FN1: variants seen among roughly 807,000 people sequenced by gnomAD.
The protein encoded by FN1 is fibronectin 1.
Under a neutral mutation model 297.3 loss-of-function variants are expected in FN1, and 106 were observed. The ratio of observed to expected loss-of-function variants is 0.36; its 90% CI spans 0.30 to 0.42. The LOEUF (loss-of-function observed/expected upper bound fraction) is 0.42, where lower values mean the gene tolerates loss of function less well. Ranked by LOEUF, FN1 falls within the 10% of genes least tolerant of loss-of-function variation. The pLI is 1.00. For synonymous variants in FN1, 1,149 were observed against 1,152.6 expected (o/e 1.00, Z 0.06); for missense variants, 2,690 against 3,124.9 (o/e 0.86, Z 3.32).
At chr2:215,425,667 C>A (rs1307015126) in intron 6 of FN1, among the ~76,000 whole-genome samples, 3 of 152,092 alleles carry the variant, frequency 2.0e-5, no homozygotes, top group Admixed American at 1.3e-4. Context: ...ATTCTCCTGC[C>A]TCAACCTCCC....
chr2:215,388,347 T>C (rs778957933), intron 26 of FN1, 46 bp from the exon 27 acceptor site: 4 of 1,391,918 alleles, frequency 2.9e-6, no homozygotes, highest in Non-Finnish European at 4.1e-6. Flanking sequence ...CTCAAAAGCA[T>C]GAGAAACTAA....
intron 26 of FN1, among the ~76,000 whole-genome samples, chr2:215,390,178 GTTTA>G (rs111825137): frequency 6.0e-5 from 9 of 150,942 alleles, no homozygotes; most frequent in African/African-American, 1.5e-4. Context: ...ACGGCTTCAT[GTTTA>G]TTTGTTTGTT....
chr2:215,409,411 T>C, intron 15 of FN1, 152 bp downstream of exon 15: 2 of 768,864 alleles, frequency 2.6e-6, no homozygotes, highest in Non-Finnish European at 4.6e-6. Flanking sequence ...AGTCAGTCCT[T>C]CCCTTCCTCA....
chr2:215,428,161 T>C lies in FN1; in HGVS notation c.844+19A>G. 1 of 1,613,620 alleles carries C rather than the reference T, an allele frequency of 6.2e-7. No individual in the cohort carries two copies. On this transcript the variant is annotated intron_variant, in intron 6 of 45. Coordinates refer to ENST00000354785, the MANE Select transcript of FN1 (RefSeq NM_212482.4). ...GACCTGCTTCCCCATTTCCCGCCCC[T>C]GCTCGTCCTGTGCCTCACCGCTCGA...
At chr2:215,394,466 A>G in intron 24 of FN1, 62 bp downstream of exon 24, 2 of 1,337,874 alleles carry the variant, frequency 1.5e-6, no homozygotes, top group East Asian at 2.3e-5. Flanking sequence ...GGGGATTAAG[A>G]TGCTAATCCC....
chr2:215,378,893 A>G (rs143281179), intron 34 of FN1, among the ~76,000 whole-genome samples: 3 of 152,350 alleles, frequency 2.0e-5, no homozygotes, highest in African/African-American at 7.2e-5. Flanking sequence ...AATAAGCACA[A>G]TACATCTAAA....
At chr2:215,404,327 T>TTTTTA in intron 20 of FN1, 62 bp downstream of exon 20, 1 of 1,463,506 alleles carries the variant, frequency 6.8e-7, no homozygotes, top group South Asian at 1.2e-5. Context: ...TGTTTTGTTT[T>TTTTTA]AAAGCATGAA....
intron 9 of FN1, 82 bp from the exon 10 acceptor site, chr2:215,422,325 T>C (rs1452113212): frequency 7.3e-7 from 1 of 1,361,220 alleles, no homozygotes; most frequent in East Asian, 2.3e-5. Flanking sequence ...ATCAGTTCAG[T>C]TTGGTCATCC....
rs1171550334 is a variant in FN1 at position 215,361,289 on chromosome 2, A to C, written c.*266T>G. 2 of 416,028 alleles carry C rather than the reference A, an allele frequency of 4.8e-6. No individual in the cohort carries two copies. The highest frequency in any genetic ancestry group is 2.0e-5 in the African/African-American group (1 of 50,112). 25.8% of individuals were successfully genotyped at this position (416,028 alleles called of 1,614,324 possible). ...CTATTGATCCCAAACCAAATCTTAG[A>C]ATCACTTCATTTAAAATACTGAGCG... is the stretch of plus-strand genomic sequence containing the variant. On this transcript the variant is annotated 3_prime_UTR_variant, in exon 46 of 46. Transcript: ENST00000354785.
intron 38 of FN1, among the ~76,000 whole-genome samples, chr2:215,374,696 ATAC>A (rs1321039139): frequency 6.6e-6 from 1 of 152,222 alleles, no homozygotes; most frequent in Non-Finnish European, 1.5e-5. Context: ...GGCAAAAATA[ATAC>A]TAGAGGCTTA....
At chr2:215,389,019 G>A (rs1305347481) in intron 26 of FN1, among the ~76,000 whole-genome samples, 1 of 149,840 alleles carries the variant, frequency 6.7e-6, no homozygotes, top group Non-Finnish European at 1.5e-5. Context: ...GAAAGCAATC[G>A]GTTCTGCCAT....
intron 40 of FN1, 170 bp downstream of exon 40, chr2:215,371,739 C>G: frequency 3.3e-6 from 2 of 601,384 alleles, no homozygotes; most frequent in South Asian, 3.4e-5. Flanking sequence ...TCTTGAACTC[C>G]TAACCTCAAA....
At chr2:215,384,623 T>C in intron 29 of FN1, 2 of 459,082 alleles carry the variant, frequency 4.4e-6, no homozygotes, top group Non-Finnish European at 3.9e-6. Flanking sequence ...TTTACAATCC[T>C]TTTATTTCCT....
At chr2:215,374,557 C>T (rs1225364527) in intron 38 of FN1, among the ~76,000 whole-genome samples, 1 of 152,232 alleles carries the variant, frequency 6.6e-6, no homozygotes, top group Non-Finnish European at 1.5e-5. Flanking sequence ...GACATGCCTG[C>T]TTTTCCTTCC....
Position 215,360,874 on chromosome 2 carries a change from A to C in FN1, c.*681T>G, listed in dbSNP as rs1575137501. On this transcript the variant is annotated 3_prime_UTR_variant, in exon 46 of 46. Coordinates refer to ENST00000354785, the MANE Select transcript of FN1 (RefSeq NM_212482.4). Reference sequence around the variant, plus strand: ...GATGAACTTCAAGTTGTGGAATGTAAATCTTTTATTAAAACAGTTGTCTTT... The same window carrying C: ...GATGAACTTCAAGTTGTGGAATGTACATCTTTTATTAAAACAGTTGTCTTT... The C allele has an allele frequency of 6.6e-6, 1 of 152,668 alleles. No homozygotes were observed. Among genetic ancestry groups the C allele is most frequent in the Admixed American group, 6.5e-5 (1 of 15,276 alleles). 9.5% of individuals were successfully genotyped at this position (152,668 alleles called of 1,614,324 possible). A position where few individuals can be genotyped will look rare whatever the true frequency, so the allele number is the denominator to read the frequency against.
chr2:215,381,628 C>T (rs964883670), intron 32 of FN1: 25 of 200,506 alleles, frequency 1.2e-4, no homozygotes, highest in Non-Finnish European at 1.7e-4. Flanking sequence ...CACGTGCCAC[C>T]GCGACTGGCT....
intron 20 of FN1, among the ~76,000 whole-genome samples, chr2:215,400,321 T>G (rs985734123): frequency 6.6e-6 from 1 of 152,160 alleles, no homozygotes; most frequent in Non-Finnish European, 1.5e-5. Flanking sequence ...AGTCTAAAGA[T>G]TTGTACTTTA....
chr2:215,392,502 G>C (rs1407706578), intron 25 of FN1: 1 of 218,026 alleles, frequency 4.6e-6, no homozygotes, highest in Non-Finnish European at 9.3e-6. Context: ...TAGCTACAAA[G>C]AAGGAGCATG....
In FN1 at chr2:215,361,623, C is replaced by T. The variant is rs2106084754; in HGVS notation, c.7366G>A (p.Val2456Ile). The change falls in exon 46 of 46, where the codon GTT becomes ATT. Residue 2456 changes from valine (V) to isoleucine (I), a missense_variant. This residue lies in a region of FN1 where 1,743 missense variants were observed against 1,945.2 expected (regional missense o/e 0.90). Transcript: ENST00000354785. ...ATGAAGCACTCAATTGGGCAATTAA[C>T]ATTCTGTTAAAAAGGAAGAAGGAAA... is the stretch of plus-strand genomic sequence containing the variant. Reference protein sequence around the residue: ...QRYHQRTNTNVNCPIECFMPL... With the variant: ...QRYHQRTNTNINCPIECFMPL... 2.5e-6 allele frequency: 4 copies of T among 1,609,064 alleles called. No homozygotes were observed. The highest frequency in any genetic ancestry group is 3.4e-6 in the Non-Finnish European group (4 of 1,175,924).
Sources: allele counts gnomAD v4.1 joint callset (sites outside exome capture counted in the v4.1 genomes callset), GRCh38; gene constraint gnomAD v4.1.1; regional missense constraint gnomAD v4.1.1; transcripts MANE v1.5; gene names NCBI Gene and HGNC (gene_info 2026-07-23, HGNC 2026-07-21).